The following PPP2R2A variants were observed in gnomAD, a reference collection of about 807,000 sequenced individuals.
PPP2R2A encodes the protein serine/threonine-protein phosphatase 2A 55 kDa regulatory subunit B alpha isoform.
PPP2R2A carries 9 observed loss-of-function variants against 53.2 expected under a neutral mutation model. That is an observed-to-expected ratio of 0.17 (90% CI 0.10 to 0.30). The LOEUF is 0.30. Ranked by LOEUF, PPP2R2A falls within the 10% of genes least tolerant of loss-of-function variation. PPP2R2A has a pLI of 1.00. For synonymous variants in PPP2R2A, 169 were observed against 174.2 expected, an observed-to-expected ratio of 0.97 and a Z score of 0.23; for missense variants, 235 against 534.6, an observed-to-expected ratio of 0.44 and a Z score of 5.53.
At chr8:26,359,769 TAATC>T (rs1804984244) in intron 4 of PPP2R2A, among the ~76,000 whole-genome samples, 2 of 152,222 alleles carry the variant, frequency 1.3e-5, no homozygotes, top group African/African-American at 2.4e-5. Flanking sequence ...TAGGCAGTCT[TAATC>T]AACTTCATTG....
Position 26,370,706 on chromosome 8 carries a change from C to G in PPP2R2A, c.*293C>G, listed in dbSNP as rs1805629314. The G allele has an allele frequency of 2.5e-6, 1 of 392,994 alleles. No individual in the cohort carries two copies. The highest frequency in any genetic ancestry group is 2.0e-5 in the African/African-American group (1 of 49,762). 24.3% of individuals were successfully genotyped at this position (392,994 alleles called of 1,614,324 possible). On this transcript the variant is annotated 3_prime_UTR_variant, in exon 10 of 10. Coordinates refer to ENST00000380737, the MANE Select transcript of PPP2R2A (RefSeq NM_002717.4). This position sits in a 1 kb window ranked among gnomAD's most constrained non-coding sequence, Gnocchi z 6.1. ...ATTGGACTGTATCAACATTGATTTA[C>G]TCCACTTTTTATGCCTTCCATTGTG...
At chr8:26,333,783 T>G (rs78122811) in intron 2 of PPP2R2A, among the ~76,000 whole-genome samples, 539 of 152,318 alleles carry the variant, frequency 3.5e-3, no homozygotes, top group South Asian at 0.014. Context: ...AACGGCCTTA[T>G]GAAGTAAAAA....
chr8:26,361,082 G>A lies in PPP2R2A; in HGVS notation c.568G>A (p.Glu190Lys). 6.2e-7 allele frequency: 1 copy of A among 1,603,702 alleles called. No individual in the cohort carries two copies. Among genetic ancestry groups the A allele is most frequent in the Non-Finnish European group, 8.5e-7 (1 of 1,177,738 alleles). Residue 190 changes from glutamate (E) to lysine (K), a missense_variant, in exon 6 of 10, where the codon GAA becomes AAA. Transcript: ENST00000380737. ...INSISINSDY[E>K]TYLSADDLRI... ...CTCAATTTCTATTAATAGTGATTAT[G>A]AAACATATTTATCTGCAGATGATTT...
chr8:26,328,559 T>G (rs1803210987), intron 2 of PPP2R2A, among the ~76,000 whole-genome samples: 1 of 152,240 alleles, frequency 6.6e-6, no homozygotes, highest in Admixed American at 6.5e-5. Context: ...GTCACCTGGT[T>G]TCTCTTTCCG....
Position 26,362,979 on chromosome 8 carries a change from G to A in PPP2R2A, c.802+131G>A. 1.2e-6 allele frequency: 1 copy of A among 800,852 alleles called. No individual in the cohort carries two copies. The highest frequency in any genetic ancestry group is 2.8e-5 in the Admixed American group (1 of 35,370). The allele number at this position is 800,852 out of a possible 1,614,324, so 49.6% of individuals were successfully genotyped here. On this transcript the variant is annotated intron_variant, in intron 7 of 9. Coordinates refer to ENST00000380737, the MANE Select transcript of PPP2R2A (RefSeq NM_002717.4). This position sits in a 1 kb window ranked among gnomAD's most constrained non-coding sequence, Gnocchi z 4.4. Reference sequence around the variant, plus strand: ...TGTGTCCAGAGCCACTTGTACCCTTGGTAATCTGCCTACCTCCTCATGAGG... The same window carrying A: ...TGTGTCCAGAGCCACTTGTACCCTTAGTAATCTGCCTACCTCCTCATGAGG...
chr8:26,339,051 C>T (rs1203432460), intron 3 of PPP2R2A, 64 bp downstream of exon 3: 2 of 1,186,024 alleles, frequency 1.7e-6, no homozygotes, highest in East Asian at 2.4e-5. Context: ...TTGTGTTGCA[C>T]TGGAGAATCT....
At chr8:26,292,546 T>C in intron 1 of PPP2R2A, 2 of 729,050 alleles carry the variant, frequency 2.7e-6, no homozygotes, top group South Asian at 1.2e-4. Flanking sequence ...GTTAAAATAG[T>C]TGCGGAGTTC....
intron 2 of PPP2R2A, among the ~76,000 whole-genome samples, chr8:26,331,009 G>A (rs1433345874): frequency 6.6e-6 from 1 of 152,108 alleles, no homozygotes; most frequent in Non-Finnish European, 1.5e-5. Flanking sequence ...CTCTTCTCTG[G>A]CTGGTGGGGA....
intron 3 of PPP2R2A, among the ~76,000 whole-genome samples, chr8:26,352,464 A>G (rs1804567814): frequency 6.6e-6 from 1 of 152,170 alleles, no homozygotes. Flanking sequence ...CATTTCTGCC[A>G]TTACTCTTTG....
In PPP2R2A at chr8:26,291,685, G is replaced by GC; in HGVS notation, c.-130dup. ...CCGCCCCTCCTTCCTTTTCCCCCCG[G>GC]CCCCCGTCCCCTCCCCCCGCAGGTG... is the stretch of plus-strand genomic sequence containing the variant. On this transcript the variant is annotated 5_prime_UTR_variant, in exon 1 of 10. Transcript: ENST00000380737. 1 of 346,012 alleles carries GC rather than the reference G, an allele frequency of 2.9e-6. No homozygotes were observed. The allele number at this position is 346,012 out of a possible 1,614,324, so 21.4% of individuals were successfully genotyped here.
intron 2 of PPP2R2A, among the ~76,000 whole-genome samples, chr8:26,323,796 T>C (rs1331768790): frequency 6.6e-6 from 1 of 152,158 alleles, no homozygotes; most frequent in African/African-American, 2.4e-5. Flanking sequence ...GGCTTCATTA[T>C]GATTAAGTCA....
Position 26,304,872 on chromosome 8 carries a change from A to C in PPP2R2A, c.82+11132A>C, listed in dbSNP as rs571418712. 9.9e-5 allele frequency among the ~76,000 whole-genome samples: 15 copies of C among 152,190 alleles called. No individual in the cohort carries two copies. In the South Asian group the frequency reaches 3.1e-3, roughly 32 times the overall value. Reference sequence around the variant, plus strand: ...AATGAGCATTATTTTTTTTTCTAGCAACAGAACCAATTTTTAATGAAAATT... The same window carrying C: ...AATGAGCATTATTTTTTTTTCTAGCCACAGAACCAATTTTTAATGAAAATT... On this transcript the variant is annotated intron_variant, in intron 2 of 9. Transcript: ENST00000380737.
chr8:26,369,594 A>G (rs945735866), intron 9 of PPP2R2A, among the ~76,000 whole-genome samples: 2 of 152,116 alleles, frequency 1.3e-5, no homozygotes, highest in Non-Finnish European at 2.9e-5. Flanking sequence ...GGGTTTCACC[A>G]TGTTAGCCAG....
At chr8:26,363,210 TA>T (rs57711660) in intron 7 of PPP2R2A, 29,633 of 126,586 alleles carry the variant, frequency 0.23, 3,106 homozygotes, top group African/African-American at 0.28. Flanking sequence ...TTCCTTGGCT[TA>T]AAAAAAAAAA....
intron 4 of PPP2R2A, among the ~76,000 whole-genome samples, chr8:26,355,868 C>CAAA (rs35574078): frequency 7.7e-6 from 1 of 130,406 alleles, no homozygotes; most frequent in Non-Finnish European, 1.6e-5. Context: ...AGACTCGTCT[C>CAAA]AAAAAAAAAA....
intron 9 of PPP2R2A, among the ~76,000 whole-genome samples, chr8:26,368,716 G>A (rs1805509528): frequency 6.6e-6 from 1 of 152,184 alleles, no homozygotes; most frequent in Non-Finnish European, 1.5e-5. Flanking sequence ...TGCAAGGACT[G>A]CTTGAACCCA....
At chr8:26,298,493 C>A (rs1801639515) in intron 2 of PPP2R2A, 1 of 152,192 alleles carries the variant, frequency 6.6e-6, no homozygotes, top group Admixed American at 6.5e-5. Flanking sequence ...CCATTGTGCC[C>A]CGATGTTACA....
In PPP2R2A at chr8:26,362,628, A is replaced by G. The variant is rs1236556287; in HGVS notation, c.638-56A>G. 1.3e-6 allele frequency: 2 copies of G among 1,535,458 alleles called. No individual in the cohort carries two copies. Among genetic ancestry groups the G allele is most frequent in the African/African-American group, 2.8e-5 (2 of 72,700 alleles). ...AATGGGTTTTAGGTTTGAGAAATGT[A>G]GAATTATATTTGCCCTTTTTTCTAA... On this transcript the variant is annotated intron_variant, in intron 6 of 9. Transcript: ENST00000380737. This position sits in a 1 kb window ranked among gnomAD's most constrained non-coding sequence, Gnocchi z 4.4.
intron 2 of PPP2R2A, among the ~76,000 whole-genome samples, chr8:26,297,270 C>A (rs557204536): frequency 6.6e-6 from 1 of 152,036 alleles, no homozygotes; most frequent in Non-Finnish European, 1.5e-5. Flanking sequence ...CCGCCATGTC[C>A]GGCTCATTTT....
Sources: allele counts gnomAD v4.1 joint callset (sites outside exome capture counted in the v4.1 genomes callset), GRCh38; gene constraint gnomAD v4.1.1; non-coding constraint Gnocchi (gnomAD v3.1); transcripts MANE v1.5; gene names NCBI Gene and HGNC (gene_info 2026-07-23, HGNC 2026-07-21).